The following LMX1A variants were observed in gnomAD, a reference collection of about 807,000 sequenced individuals.
LMX1A encodes LIM homeobox transcription factor 1-alpha.
LMX1A carries 15 observed loss-of-function variants against 49.1 expected under a neutral mutation model. The ratio of observed to expected loss-of-function variants is 0.31; its 90% confidence interval spans 0.20 to 0.47. The LOEUF is 0.47. LMX1A is among the 20% of genes least tolerant of loss of function. LMX1A has a pLI of 1.00. For missense variants in LMX1A, 372 were observed against 475.8 expected (o/e 0.78, Z 2.03); for synonymous variants, 167 against 185.7 (o/e 0.90, Z 0.82).
intron 3 of LMX1A, among the ~76,000 whole-genome samples, chr1:165,306,647 G>C (rs1418000417): frequency 6.6e-6 from 1 of 152,240 alleles, no homozygotes; most frequent in Admixed American, 6.5e-5. Context: ...TGCTCTTTCT[G>C]TATTTTCCTG....
At chr1:165,264,274 A>G (rs903355316) in intron 3 of LMX1A, among the ~76,000 whole-genome samples, 1 of 152,162 alleles carries the variant, frequency 6.6e-6, no homozygotes, top group African/African-American at 2.4e-5. Context: ...TCTGCTCCCC[A>G]TACCCAGCTC....
intron 3 of LMX1A, among the ~76,000 whole-genome samples, chr1:165,326,622 G>C (rs1322490533): frequency 6.6e-6 from 1 of 152,188 alleles, no homozygotes; most frequent in African/African-American, 2.4e-5. Flanking sequence ...GGAGTTTCTA[G>C]ACTGGCCGCC....
chr1:165,338,807 C>A (rs1044656472), intron 3 of LMX1A, among the ~76,000 whole-genome samples: 1 of 152,204 alleles, frequency 6.6e-6, no homozygotes. Flanking sequence ...TCCTTGGTAG[C>A]ACCAAGTTCA....
rs567324979 is a variant in LMX1A at position 165,234,765 on chromosome 1, C to A, written c.496+14643G>T. On this transcript the variant is annotated intron_variant, in intron 4 of 8. Coordinates refer to ENST00000342310, the MANE Select transcript of LMX1A (RefSeq NM_177398.4). ...AGATAATTCATGAAAGAAGGAAAAC[C>A]ATTTGCATTTGAATGATCTAGTGAG... 2.0e-5 allele frequency among the ~76,000 whole-genome samples: 3 copies of A among 152,146 alleles called. No homozygotes were observed. The South Asian group carries it at 6.2e-4, about 32-fold the overall frequency.
At chr1:165,250,501 G>T (rs527335032) in intron 3 of LMX1A, among the ~76,000 whole-genome samples, 3 of 149,356 alleles carry the variant, frequency 2.0e-5, no homozygotes, top group East Asian at 3.9e-4. Context: ...GAGCTTAAAT[G>T]TGTAGTCTAG....
chr1:165,353,334 G>C, intron 2 of LMX1A, 72 bp from the exon 3 acceptor site: 1 of 1,258,886 alleles, frequency 7.9e-7, no homozygotes, highest in Non-Finnish European at 1.1e-6. Context: ...GCCGGGACCC[G>C]CTCCTGATCC....
chr1:165,259,572 TTC>T (rs1571185146), intron 3 of LMX1A, among the ~76,000 whole-genome samples: 2 of 152,324 alleles, frequency 1.3e-5, no homozygotes, highest in East Asian at 3.9e-4. Flanking sequence ...CTTGCCTTGC[TTC>T]CCTGGCTATC....
intron 3 of LMX1A, among the ~76,000 whole-genome samples, chr1:165,268,781 T>C (rs1357710548): frequency 6.6e-6 from 1 of 152,232 alleles, no homozygotes; most frequent in Admixed American, 6.5e-5. Context: ...GAGATATTTC[T>C]AAAAGCAGTT....
intron 4 of LMX1A, chr1:165,219,043 T>G (rs543134090): frequency 6.6e-6 from 1 of 152,374 alleles, no homozygotes; most frequent in African/African-American, 2.4e-5. Flanking sequence ...GGCACAAAGT[T>G]TGAACATGTT....
chr1:165,244,246 A>T (rs1001860323), intron 4 of LMX1A, among the ~76,000 whole-genome samples: 1 of 152,170 alleles, frequency 6.6e-6, no homozygotes, highest in African/African-American at 2.4e-5. Context: ...CTGTCTGTTC[A>T]TCTGTATCCT....
chr1:165,298,459 A>G (rs1298046709), intron 3 of LMX1A, among the ~76,000 whole-genome samples: 4 of 152,234 alleles, frequency 2.6e-5, no homozygotes, highest in African/African-American at 9.6e-5. Flanking sequence ...TGCTATGGAC[A>G]CACACAGTCA....
chr1:165,322,867 T>C (rs544529117), intron 3 of LMX1A, among the ~76,000 whole-genome samples: 6 of 152,332 alleles, frequency 3.9e-5, no homozygotes, highest in African/African-American at 1.4e-4. Context: ...ACCTAGACTT[T>C]GAAAGCACTT....
At chr1:165,334,844 C>T (rs1655854051) in intron 3 of LMX1A, among the ~76,000 whole-genome samples, 1 of 152,176 alleles carries the variant, frequency 6.6e-6, no homozygotes, top group African/African-American at 2.4e-5. Flanking sequence ...TCCAGGAATG[C>T]CCAGTCTCTG....
At chr1:165,215,319 A>T (rs1424722274) in intron 4 of LMX1A, among the ~76,000 whole-genome samples, 3 of 152,208 alleles carry the variant, frequency 2.0e-5, no homozygotes, top group African/African-American at 4.8e-5. Context: ...TGTCTCCAAA[A>T]CAAAATAATA....
intron 3 of LMX1A, among the ~76,000 whole-genome samples, chr1:165,317,019 T>C (rs1655249932): frequency 6.6e-6 from 1 of 152,214 alleles, no homozygotes; most frequent in African/African-American, 2.4e-5. Context: ...AACTGATACT[T>C]GTAAATGGCT....
At chr1:165,347,739 T>A (rs1656293301) in intron 3 of LMX1A, among the ~76,000 whole-genome samples, 1 of 152,258 alleles carries the variant, frequency 6.6e-6, no homozygotes, top group African/African-American at 2.4e-5. Flanking sequence ...TTGGTTATTT[T>A]GAACTTCATA....
At chr1:165,330,504 C>T (rs1431374473) in intron 3 of LMX1A, among the ~76,000 whole-genome samples, 1 of 152,170 alleles carries the variant, frequency 6.6e-6, no homozygotes, top group African/African-American at 2.4e-5. Flanking sequence ...AAACAAGTTT[C>T]CTCTTCCAGT....
intron 3 of LMX1A, among the ~76,000 whole-genome samples, chr1:165,282,940 AC>A (rs1478114114): frequency 6.6e-6 from 1 of 152,168 alleles, no homozygotes; most frequent in Admixed American, 6.5e-5. Flanking sequence ...CAGAAGAAAA[AC>A]CCAAACCTCT....
At chr1:165,275,378 T>C (rs1557870678) in intron 3 of LMX1A, among the ~76,000 whole-genome samples, 1 of 152,240 alleles carries the variant, frequency 6.6e-6, no homozygotes, top group Non-Finnish European at 1.5e-5. Flanking sequence ...GTCTGGGCTT[T>C]GTTGGAGAGC....
Sources: gnomAD v4.1 joint callset for allele counts (sites outside exome capture counted in the v4.1 genomes callset) on GRCh38, gnomAD v4.1.1 for gene constraint, MANE v1.5 for transcripts, NCBI Gene and HGNC (gene_info 2026-07-23, HGNC 2026-07-21) for gene names.